The following UHRF1 variants were observed in gnomAD, a reference collection of about 807,000 sequenced individuals.
UHRF1 encodes the protein ubiquitin like with PHD and ring finger domains 1.
UHRF1 carries 9 observed loss-of-function variants against 96.5 expected under a neutral mutation model. That is an observed-to-expected ratio of 0.09 (90% CI 0.06 to 0.16). UHRF1 has a LOEUF of 0.16. UHRF1 is among the 10% of genes least tolerant of loss of function. The pLI is 1.00. For missense variants in UHRF1, 626 were observed against 1,131.1 expected, an observed-to-expected ratio of 0.55 and a Z score of 6.40; for synonymous variants, 455 against 469.9, an observed-to-expected ratio of 0.97 and a Z score of 0.41.
chr19:4,931,906 G>A (rs1432411480), intron 4 of UHRF1, among the ~76,000 whole-genome samples: 1 of 151,722 alleles, frequency 6.6e-6, no homozygotes, highest in Non-Finnish European at 1.5e-5. Flanking sequence ...GACTACAGGC[G>A]TGCACCACTG....
At position 4,944,386 on chromosome 19, in the gene UHRF1, C is replaced by T; in HGVS notation, c.1241C>T (p.Pro414Leu). The change falls in exon 9 of 17, where the codon CCG (proline) becomes CTG (leucine). Residue 414 changes from proline (P) to leucine (L), a missense_variant. Pro to Leu is a moderately conservative substitution (Grantham distance 98). Around this residue, in one of 11 missense-constraint regions of UHRF1, gnomAD observed 69 missense variants for 159.8 expected, o/e 0.43. Coordinates refer to ENST00000650932, the MANE Select transcript of UHRF1 (RefSeq NM_001048201.3). Reference sequence around the variant, plus strand: ...CGCACCAAGGAATGTACCATCGTCCCGTCCAACCACTACGGACCCATCCCG... The same window carrying T: ...CGCACCAAGGAATGTACCATCGTCCTGTCCAACCACTACGGACCCATCCCG... ...VGRTKECTIV[P>L]SNHYGPIPGI... 2 of 1,614,046 alleles carry T rather than the reference C, an allele frequency of 1.2e-6. No homozygotes were observed. The highest frequency in any genetic ancestry group is 1.7e-6 in the Non-Finnish European group (2 of 1,179,904).
chr19:4,916,482 GGT>G (rs1259600397), intron 2 of UHRF1, among the ~76,000 whole-genome samples: 1 of 152,148 alleles, frequency 6.6e-6, no homozygotes, highest in African/African-American at 2.4e-5. Flanking sequence ...CAGTGATCGT[GGT>G]GTCTTTGTGG....
At chr19:4,915,705 G>A (rs1484777781) in intron 2 of UHRF1, among the ~76,000 whole-genome samples, 1 of 151,482 alleles carries the variant, frequency 6.6e-6, no homozygotes, top group African/African-American at 2.4e-5. Flanking sequence ...GCAAGACTCC[G>A]TCTCAAAAAA....
At chr19:4,936,897 CTG>C (rs2033232538) in intron 5 of UHRF1, among the ~76,000 whole-genome samples, 1 of 151,906 alleles carries the variant, frequency 6.6e-6, no homozygotes. Context: ...ATAAACTATA[CTG>C]TGTTATCACA....
At chr19:4,927,549 C>T (rs2032913070) in intron 2 of UHRF1, among the ~76,000 whole-genome samples, 1 of 152,176 alleles carries the variant, frequency 6.6e-6, no homozygotes, top group South Asian at 2.1e-4. Flanking sequence ...CTTGGATCCC[C>T]AAGGGGCGAA....
At chr19:4,913,143 C>T (rs989996215) in intron 2 of UHRF1, among the ~76,000 whole-genome samples, 62 of 152,200 alleles carry the variant, frequency 4.1e-4, no homozygotes, top group African/African-American at 1.2e-3. Flanking sequence ...ACCCCTATCT[C>T]CCCTCATTTG....
intron 2 of UHRF1, among the ~76,000 whole-genome samples, chr19:4,912,200 G>A (rs1165406198): frequency 2.6e-5 from 4 of 152,174 alleles, no homozygotes; most frequent in African/African-American, 4.8e-5. Context: ...GGGAGTTGAC[G>A]GTGCAAGCCG....
Position 4,954,892 on chromosome 19 carries a change from C to T in UHRF1, c.2130+70C>T, listed in dbSNP as rs1405805101. The stretch of plus-strand genomic sequence containing the variant: ...CGGTAAAATGTGTGGGGCTTGTTTC[C>T]CATGTTCCCCATTTTCAAGTGTACA... On this transcript the variant is annotated intron_variant, in intron 15 of 16. Transcript: ENST00000650932. This position sits in a 1 kb window ranked among gnomAD's most constrained non-coding sequence, Gnocchi z 5.9. The T allele has an allele frequency of 3.7e-5, 58 of 1,567,726 alleles. No homozygotes were observed. Among genetic ancestry groups the T allele is most frequent in the African/African-American group, 8.1e-5 (6 of 73,800 alleles).
At chr19:4,941,480 TA>T in intron 5 of UHRF1, 47 bp from the exon 6 acceptor site, 1 of 1,502,406 alleles carries the variant, frequency 6.7e-7, no homozygotes, top group Non-Finnish European at 9.2e-7. Context: ...TGAGTAGATT[TA>T]GGGGCCTCGG....
chr19:4,930,442 C>T lies in UHRF1; in HGVS notation c.409-274C>T, dbSNP rs1212140766. On this transcript the variant is annotated intron_variant, in intron 3 of 16. Coordinates refer to ENST00000650932, the MANE Select transcript of UHRF1 (RefSeq NM_001048201.3). The surrounding 1 kb of genome is among the most constrained non-coding windows in gnomAD (Gnocchi z 4.4). ...AGCTTCTCTTGACAAATGGGCAGCT[C>T]TGGTCTCTCAGGGCCTCCCAGCAGC... 1.3e-5 allele frequency among the ~76,000 whole-genome samples: 2 copies of T among 152,238 alleles called. No homozygotes were observed. Among genetic ancestry groups the T allele is most frequent in the Non-Finnish European group, 1.5e-5 (1 of 68,042 alleles).
chr19:4,954,298 A>G lies in UHRF1; in HGVS notation c.1819-52A>G, dbSNP rs2307204. The G allele has an allele frequency of 0.89, 1,420,857 of 1,592,822 alleles. 634,777 individuals are homozygous for G. Among genetic ancestry groups the G allele is most frequent in the African/African-American group, 0.98 (73,171 of 74,700 alleles). On this transcript the variant is annotated intron_variant, in intron 13 of 16. Coordinates refer to ENST00000650932, the MANE Select transcript of UHRF1 (RefSeq NM_001048201.3). This position sits in a 1 kb window ranked among gnomAD's most constrained non-coding sequence, Gnocchi z 5.9. ...AGGAGGCTGGAAGAGCGGGCTCTGC[A>G]TAGCGTGTGGGCCCCAAGCCTGACT...
intron 10 of UHRF1, among the ~76,000 whole-genome samples, chr19:4,946,321 C>G (rs1402622166): frequency 6.6e-6 from 1 of 152,112 alleles, no homozygotes; most frequent in Non-Finnish European, 1.5e-5. Flanking sequence ...GCCCGACGTC[C>G]TTGCTTTGTC....
rs2032978436 is a variant in UHRF1 at position 4,929,425 on chromosome 19, C to T, written c.357C>T (p.Ser119=). The T allele has an allele frequency of 6.2e-7, 1 of 1,613,796 alleles. No individual in the cohort carries two copies. The highest frequency in any genetic ancestry group is 1.3e-5 in the African/African-American group (1 of 75,052). ...GTGAGGCGGCCGCCGAGACTGACAG[C>T]AGGCCAGCCGATGAGGACATGTGGG... The part of the protein sequence containing the change: ...THGEAAAETD[S]RPADEDMWDE... The change falls in exon 3 of 17, where the codon AGC becomes AGT. Residue 119 remains serine, a synonymous_variant. Coordinates refer to ENST00000650932, the MANE Select transcript of UHRF1 (RefSeq NM_001048201.3).
rs113648678 is a variant in UHRF1 at position 4,917,389 on chromosome 19, C to T, written c.153+6351C>T. On this transcript the variant is annotated intron_variant, in intron 2 of 16. Transcript: ENST00000650932. Reference sequence around the variant, plus strand: ...GGGTCCACAAGGCCGGGCGTGGTGGCTTACGCCTGTAATCCCAGCACTTTG... The same window carrying T: ...GGGTCCACAAGGCCGGGCGTGGTGGTTTACGCCTGTAATCCCAGCACTTTG... Among the ~76,000 whole-genome samples, 1,099 of 151,812 alleles carry T rather than the reference C, an allele frequency of 7.2e-3. 9 individuals carry two copies. Among genetic ancestry groups the T allele is most frequent in the African/African-American group, 0.025 (1,034 of 41,454 alleles).
intron 4 of UHRF1, 134 bp from the exon 5 acceptor site, chr19:4,932,607 A>C: frequency 5.5e-6 from 5 of 911,222 alleles, no homozygotes; most frequent in Non-Finnish European, 8.4e-6. Flanking sequence ...TGTGTTCTCA[A>C]CACCAGCATA....
At chr19:4,909,946 G>C (rs922294990) in intron 1 of UHRF1, among the ~76,000 whole-genome samples, 4 of 151,174 alleles carry the variant, frequency 2.6e-5, no homozygotes, top group Non-Finnish European at 5.9e-5. Flanking sequence ...GCCTGCGCGC[G>C]GGGCGCCCCG....
chr19:4,949,725 A>G (rs886620248), intron 11 of UHRF1, among the ~76,000 whole-genome samples: 1 of 152,160 alleles, frequency 6.6e-6, no homozygotes, highest in Non-Finnish European at 1.5e-5. Context: ...CTATAGTCCC[A>G]GCTTGGGAGC....
rs778604283 is a variant in UHRF1, at chr19:4,956,676, G to A, written c.2131-33G>A. The A allele has an allele frequency of 4.2e-6, 6 of 1,441,472 alleles. No individual in the cohort carries two copies. In the East Asian group the frequency reaches 1.4e-4, roughly 34 times the overall value. 89.3% of individuals were successfully genotyped at this position (1,441,472 alleles called of 1,614,324 possible). On this transcript the variant is annotated intron_variant, in intron 15 of 16. Coordinates refer to ENST00000650932, the MANE Select transcript of UHRF1 (RefSeq NM_001048201.3). ...GATCTGTGGGAGCCCTGGTCCCGGTGTCTTTGCCGGCCTCACACCCGCTTC... is the reference window on the plus strand; with the variant it reads ...GATCTGTGGGAGCCCTGGTCCCGGTATCTTTGCCGGCCTCACACCCGCTTC...
chr19:4,951,289 C>T (rs1305944362), intron 13 of UHRF1, among the ~76,000 whole-genome samples: 2 of 152,114 alleles, frequency 1.3e-5, no homozygotes, highest in African/African-American at 4.8e-5. Flanking sequence ...TGCCGGGCTC[C>T]ATGACGGCTC....
Sources: allele counts gnomAD v4.1 joint callset (sites outside exome capture counted in the v4.1 genomes callset), GRCh38; gene constraint gnomAD v4.1.1; regional missense constraint gnomAD v4.1.1; non-coding constraint Gnocchi (gnomAD v3.1); transcripts MANE v1.5; gene names NCBI Gene and HGNC (gene_info 2026-07-23, HGNC 2026-07-21).